CDH18: variants seen among roughly 807,000 people sequenced by gnomAD.
The protein encoded by CDH18 is cadherin-18.
A neutral mutation model predicts 67.9 loss-of-function variants in CDH18; 31 were observed. The ratio of observed to expected loss-of-function variants is 0.46; its 90% CI spans 0.34 to 0.62. The LOEUF is 0.62. Ranked by LOEUF, CDH18 falls within the 20% of genes least tolerant of loss-of-function variation. CDH18 has a pLI of 0.01. For synonymous variants in CDH18, 362 were observed against 347.2 expected (o/e 1.04, Z -0.48); for missense variants, 890 against 975.5 (o/e 0.91, Z 1.17).
At chr5:20,153,310 G>A (rs1293358442) in intron 2 of CDH18, among the ~76,000 whole-genome samples, 1 of 151,986 alleles carries the variant, frequency 6.6e-6, no homozygotes, top group Admixed American at 6.6e-5. Context: ...TCCCTGGAAG[G>A]ACAATTATTT....
At chr5:20,082,992 C>A (rs528606966) in intron 2 of CDH18, among the ~76,000 whole-genome samples, 2 of 152,260 alleles carry the variant, frequency 1.3e-5, no homozygotes, top group African/African-American at 4.8e-5. Context: ...CTTGAATTTG[C>A]TAATTTGTTA....
intron 2 of CDH18, among the ~76,000 whole-genome samples, chr5:19,938,155 A>G (rs1247621551): frequency 6.6e-6 from 1 of 150,648 alleles, no homozygotes; most frequent in Non-Finnish European, 1.5e-5. Flanking sequence ...GAAGCAGTGG[A>G]GTCACTGAAA....
At chr5:19,783,946 T>C (rs1018188026) in intron 3 of CDH18, among the ~76,000 whole-genome samples, 1 of 152,154 alleles carries the variant, frequency 6.6e-6, no homozygotes, top group African/African-American at 2.4e-5. Context: ...CCTGATACAT[T>C]CCTCTGCCCT....
intron 1 of CDH18, among the ~76,000 whole-genome samples, chr5:20,458,292 C>T (rs143617289): frequency 0.014 from 2,162 of 152,140 alleles, 23 homozygotes; most frequent in Non-Finnish European, 0.02. Flanking sequence ...AAATGAAGTA[C>T]CATACTTATA....
chr5:19,969,351 C>A (rs909632078), intron 2 of CDH18, among the ~76,000 whole-genome samples: 2 of 147,086 alleles, frequency 1.4e-5, no homozygotes, highest in African/African-American at 5.4e-5. Flanking sequence ...TGGTTATATA[C>A]CCAAAGGACT....
At chr5:20,241,831 G>A (rs1396056777) in intron 2 of CDH18, among the ~76,000 whole-genome samples, 6 of 141,532 alleles carry the variant, frequency 4.2e-5, no homozygotes, top group South Asian at 4.5e-4. Flanking sequence ...CAGCCTGGGC[G>A]ACAGAGGGAG....
At chr5:20,511,130 C>G (rs1383022515) in intron 1 of CDH18, among the ~76,000 whole-genome samples, 1 of 151,824 alleles carries the variant, frequency 6.6e-6, no homozygotes, top group Non-Finnish European at 1.5e-5. Flanking sequence ...AAAAAAAGAT[C>G]GAACAATTTA....
chr5:20,172,223 T>C lies in CDH18; in HGVS notation c.-518+83221A>G, dbSNP rs866418108. ...ATATATATATATATATATATATATA[T>C]GTATATATATATATATGTATATATA... On this transcript the variant is annotated intron_variant, in intron 2 of 14. Coordinates refer to the CDH18 transcript ENST00000507958. Among the ~76,000 whole-genome samples the C allele has an allele frequency of 5.5e-3, 243 of 43,798 alleles. 2 individuals carry two copies. The highest frequency in any genetic ancestry group is 0.014 in the Middle Eastern group (1 of 74). 28.7% of individuals were successfully genotyped at this position (43,798 alleles called of 152,430 possible).
chr5:20,430,266 G>C (rs1007936008), intron 1 of CDH18, among the ~76,000 whole-genome samples: 1 of 152,128 alleles, frequency 6.6e-6, no homozygotes, highest in Non-Finnish European at 1.5e-5. Flanking sequence ...CAGTTTTTCA[G>C]ACACTTCTGA....
chr5:19,578,430 G>A (rs1037865588), intron 7 of CDH18, among the ~76,000 whole-genome samples: 1 of 151,816 alleles, frequency 6.6e-6, no homozygotes, highest in Non-Finnish European at 1.5e-5. Context: ...ACCTTCCCTC[G>A]AAATCCTTCA....
At chr5:20,064,777 C>T (rs1402483774) in intron 2 of CDH18, among the ~76,000 whole-genome samples, 2 of 152,034 alleles carry the variant, frequency 1.3e-5, no homozygotes, top group Non-Finnish European at 2.9e-5. Flanking sequence ...AGTGAAGACA[C>T]TGAACATGCT....
intron 2 of CDH18, among the ~76,000 whole-genome samples, chr5:20,221,953 C>T (rs1238766947): frequency 2.0e-5 from 3 of 152,088 alleles, no homozygotes; most frequent in Admixed American, 2.0e-4. Flanking sequence ...TACTTATATG[C>T]TCACTAATCT....
intron 2 of CDH18, among the ~76,000 whole-genome samples, chr5:20,111,161 C>G (rs1187649076): frequency 6.6e-6 from 1 of 152,038 alleles, no homozygotes; most frequent in East Asian, 1.9e-4. Flanking sequence ...TTTCTCTGCT[C>G]TATGTAAAGG....
chr5:19,672,555 A>G (rs1391609838), intron 5 of CDH18, among the ~76,000 whole-genome samples: 2 of 152,096 alleles, frequency 1.3e-5, no homozygotes, highest in Non-Finnish European at 2.9e-5. Flanking sequence ...TCCTGTAAAT[A>G]TTCTAATCCT....
intron 5 of CDH18, among the ~76,000 whole-genome samples, chr5:19,713,160 CA>C (rs1764930083): frequency 6.7e-6 from 1 of 149,234 alleles, no homozygotes; most frequent in Non-Finnish European, 1.5e-5. Flanking sequence ...AGCGAGGTCA[CA>C]AAAAAAAGAA....
At chr5:20,501,663 A>G (rs1754335127) in intron 1 of CDH18, among the ~76,000 whole-genome samples, 1 of 133,644 alleles carries the variant, frequency 7.5e-6, no homozygotes, top group Non-Finnish European at 1.6e-5. Context: ...CAGTGGTGCA[A>G]TCTCAGCTCA....
intron 1 of CDH18, among the ~76,000 whole-genome samples, chr5:20,501,835 T>C (rs1045398562): frequency 6.7e-6 from 1 of 148,922 alleles, no homozygotes; most frequent in Non-Finnish European, 1.5e-5. Context: ...CTGAAGTTCT[T>C]TCTTGAAGAA....
At chr5:19,691,163 G>A (rs1489745133) in intron 5 of CDH18, among the ~76,000 whole-genome samples, 1 of 115,226 alleles carries the variant, frequency 8.7e-6, no homozygotes, top group African/African-American at 2.5e-5. Context: ...AATAACAGAA[G>A]GAAGGACAAA....
chr5:20,008,059 T>C (rs778767097), intron 2 of CDH18, among the ~76,000 whole-genome samples: 4 of 152,056 alleles, frequency 2.6e-5, no homozygotes, highest in Non-Finnish European at 5.9e-5. Context: ...ATGTAGCCTA[T>C]CACATCAATT....
Sources: allele counts gnomAD v4.1 joint callset (sites outside exome capture counted in the v4.1 genomes callset), GRCh38; gene constraint gnomAD v4.1.1; transcripts MANE v1.5; gene names NCBI Gene and HGNC (gene_info 2026-07-23, HGNC 2026-07-21).